The following MGAT4C variants were observed in gnomAD, a reference collection of about 807,000 sequenced individuals.
The protein encoded by MGAT4C is MGAT4 family member C.
A neutral mutation model predicts 40.1 loss-of-function variants in MGAT4C; 19 were observed. The observed-to-expected ratio is 0.47, with a 90% CI of 0.33 to 0.70. The LOEUF (loss-of-function observed/expected upper bound fraction) is 0.70. MGAT4C is among the 30% of genes least tolerant of loss of function. The probability of loss-of-function intolerance (pLI) is 0.02; values close to 1 mark genes in which losing one functional copy is unlikely to be tolerated. For synonymous variants in MGAT4C, 181 were observed against 187.1 expected, an observed-to-expected ratio of 0.97 and a Z score of 0.27; for missense variants, 491 against 563.2, an observed-to-expected ratio of 0.87 and a Z score of 1.30.
chr12:86,345,938 T>G (rs1007851968), intron 3 of MGAT4C, among the ~76,000 whole-genome samples: 4 of 152,218 alleles, frequency 2.6e-5, no homozygotes, highest in African/African-American at 9.6e-5. Context: ...TTTTTAATGA[T>G]CGCCATTCTA....
intron 2 of MGAT4C, among the ~76,000 whole-genome samples, chr12:86,697,547 C>G (rs935965615): frequency 5.9e-5 from 9 of 151,978 alleles, no homozygotes; most frequent in African/African-American, 2.2e-4. Flanking sequence ...TGTAATCACC[C>G]AAAGGGTCTC....
intron 1 of MGAT4C, among the ~76,000 whole-genome samples, chr12:86,762,798 A>G (rs1182907825): frequency 1.3e-5 from 2 of 152,256 alleles, no homozygotes; most frequent in Non-Finnish European, 2.9e-5. Context: ...ACATGTCATC[A>G]TAAAGCAGTA....
At chr12:86,462,620 G>A (rs1957618283) in intron 2 of MGAT4C, among the ~76,000 whole-genome samples, 1 of 152,116 alleles carries the variant, frequency 6.6e-6, no homozygotes, top group African/African-American at 2.4e-5. Context: ...ACCAGACTGG[G>A]TCCCAAAACC....
chr12:86,175,170 C>A (rs528558499), intron 1 of MGAT4C, among the ~76,000 whole-genome samples: 1 of 151,854 alleles, frequency 6.6e-6, no homozygotes, highest in Non-Finnish European at 1.5e-5. Flanking sequence ...TAGAAATGTA[C>A]GATATAATCA....
intron 2 of MGAT4C, among the ~76,000 whole-genome samples, chr12:86,517,265 AGAGT>A (rs1316859356): frequency 6.6e-6 from 1 of 152,246 alleles, no homozygotes; most frequent in Non-Finnish European, 1.5e-5. Context: ...ACATTTTAAA[AGAGT>A]GAGTTTTATG....
chr12:86,116,296 A>G (rs1878409301), intron 1 of MGAT4C, among the ~76,000 whole-genome samples: 1 of 151,990 alleles, frequency 6.6e-6, no homozygotes, highest in African/African-American at 2.4e-5. Context: ...CTCTATGAAC[A>G]ATAAAGTATA....
intron 2 of MGAT4C, among the ~76,000 whole-genome samples, chr12:86,524,624 T>C (rs762269924): frequency 7.2e-5 from 11 of 152,190 alleles, no homozygotes; most frequent in Admixed American, 2.0e-4. Flanking sequence ...TCTAGTTTCA[T>C]TGGGAAATTT....
rs535024719 is a variant in MGAT4C at position 86,023,011 on chromosome 12, TA to T, written c.-7+26662del. 1.8e-3 allele frequency among the ~76,000 whole-genome samples: 273 copies of T among 152,252 alleles called. 1 individual carries two copies. Among genetic ancestry groups the T allele is most frequent in the African/African-American group, 6.3e-3 (261 of 41,570 alleles). ...TACAGAGTGTAACATTTCTATATTA[TA>T]AAGTTGTTGATTTTTCCTGTTTTCT... On this transcript the variant is annotated intron_variant, in intron 2 of 4. Transcript: ENST00000611864.
Position 86,726,560 on chromosome 12 carries a change from G to A in MGAT4C, c.-229+649C>T, listed in dbSNP as rs187433694. Among the ~76,000 whole-genome samples, 239 of 152,176 alleles carry A rather than the reference G, an allele frequency of 1.6e-3. 1 individual carries two copies. Among genetic ancestry groups the A allele is most frequent in the African/African-American group, 5.3e-3 (221 of 41,532 alleles). ...CAATCTAAATGTTTCTCCTATTTTT[G>A]CCATACGTTCTAGTAACACAACCTT... On this transcript the variant is annotated intron_variant, in intron 2 of 7. Coordinates refer to the MGAT4C transcript ENST00000548651.
At chr12:86,390,825 C>T (rs1956148511) in intron 3 of MGAT4C, among the ~76,000 whole-genome samples, 1 of 152,100 alleles carries the variant, frequency 6.6e-6, no homozygotes, top group Non-Finnish European at 1.5e-5. Flanking sequence ...AGAACTAGAA[C>T]TTCATATAAG....
At chr12:86,537,227 G>T (rs61193851) in intron 2 of MGAT4C, among the ~76,000 whole-genome samples, 13 of 151,912 alleles carry the variant, frequency 8.6e-5, no homozygotes, top group East Asian at 1.9e-4. Context: ...GTTGTGGGGT[G>T]TGGGGAGAGG....
chr12:86,587,272 G>A (rs980359915), intron 2 of MGAT4C, among the ~76,000 whole-genome samples: 2 of 151,878 alleles, frequency 1.3e-5, no homozygotes, highest in Admixed American at 6.6e-5. Flanking sequence ...TAGATATGCG[G>A]CATTATTTCT....
intron 3 of MGAT4C, among the ~76,000 whole-genome samples, chr12:86,383,549 CAAAAA>C (rs1159593477): frequency 4.0e-5 from 2 of 49,860 alleles, no homozygotes; most frequent in Admixed American, 3.5e-4. Flanking sequence ...CACTTCGTCT[CAAAAA>C]AAAAAAAAAA....
chr12:86,807,737 C>T (rs1331142382), intron 1 of MGAT4C, among the ~76,000 whole-genome samples: 1 of 152,108 alleles, frequency 6.6e-6, no homozygotes, highest in African/African-American at 2.4e-5. Context: ...TTTACATTCT[C>T]ACCAACAGTG....
chr12:85,999,857 C>T (rs1887103151), intron 2 of MGAT4C, among the ~76,000 whole-genome samples: 1 of 151,954 alleles, frequency 6.6e-6, no homozygotes, highest in South Asian at 2.1e-4. Flanking sequence ...ATAGTGATTA[C>T]CAGAGGCTGG....
intron 1 of MGAT4C, among the ~76,000 whole-genome samples, chr12:86,782,171 ATTTTTTTTTTTT>A (rs57791582): frequency 1.0e-3 from 41 of 40,276 alleles, no homozygotes; most frequent in African/African-American, 3.2e-3. Context: ...TGTTTTTTGT[ATTTTTTTTTTTT>A]TTTTTTTTTT....
At chr12:86,145,116 TA>T (rs1332250907) in intron 1 of MGAT4C, among the ~76,000 whole-genome samples, 1 of 152,202 alleles carries the variant, frequency 6.6e-6, no homozygotes, top group East Asian at 1.9e-4. Flanking sequence ...AAATGGTGTC[TA>T]AATATTTTAA....
intron 2 of MGAT4C, among the ~76,000 whole-genome samples, chr12:86,550,168 C>A (rs915627290): frequency 1.3e-5 from 2 of 152,164 alleles, no homozygotes; most frequent in African/African-American, 4.8e-5. Flanking sequence ...TTCTTCTTCA[C>A]CTTCTGCCAT....
At chr12:86,202,338 T>C (rs987221263) in intron 1 of MGAT4C, among the ~76,000 whole-genome samples, 6 of 152,108 alleles carry the variant, frequency 3.9e-5, no homozygotes, top group Admixed American at 2.6e-4. Flanking sequence ...TTAAAGATTG[T>C]TTAATGATGT....
Sources: allele counts gnomAD v4.1 joint callset (sites outside exome capture counted in the v4.1 genomes callset), GRCh38; gene constraint gnomAD v4.1.1; transcripts MANE v1.5; gene names NCBI Gene and HGNC (gene_info 2026-07-23, HGNC 2026-07-21).